ZC3H13: variants seen among roughly 807,000 people sequenced by gnomAD.
ZC3H13 encodes the protein zinc finger CCCH-type containing 13.
A neutral mutation model predicts 204.1 loss-of-function variants in ZC3H13; 64 were observed. The observed-to-expected ratio is 0.31, with a 90% CI of 0.26 to 0.39. The LOEUF (loss-of-function observed/expected upper bound fraction) is 0.39. Among genes scored for constraint, ZC3H13 ranks in the 10% least tolerant of loss-of-function variants. The pLI is 1.00. For synonymous variants in ZC3H13, 667 were observed against 693.7 expected (o/e 0.96, Z 0.60); for missense variants, 1,833 against 2,082.7 (o/e 0.88, Z 2.33).
chr13:46,035,183 T>C (rs943614787), intron 4 of ZC3H13, among the ~76,000 whole-genome samples: 4 of 152,098 alleles, frequency 2.6e-5, no homozygotes, highest in Admixed American at 2.0e-4. Context: ...AGAGACCACA[T>C]AGAGACAAAC....
At chr13:46,035,480 T>A (rs1457854760) in intron 4 of ZC3H13, among the ~76,000 whole-genome samples, 1 of 152,188 alleles carries the variant, frequency 6.6e-6, no homozygotes, top group Non-Finnish European at 1.5e-5. Context: ...AAAATGAAAA[T>A]ATATAGCTAT....
intron 4 of ZC3H13, among the ~76,000 whole-genome samples, chr13:46,035,755 G>A (rs142871885): frequency 6.6e-6 from 1 of 151,908 alleles, no homozygotes; most frequent in Non-Finnish European, 1.5e-5. Flanking sequence ...TCTTCATTTG[G>A]TTCTCACCAT....
intron 10 of ZC3H13, among the ~76,000 whole-genome samples, chr13:45,980,613 T>C (rs1043536200): frequency 3.3e-5 from 5 of 152,182 alleles, no homozygotes; most frequent in Non-Finnish European, 7.3e-5. Flanking sequence ...GACCGATATA[T>C]GCAACAACTT....
chr13:46,008,314 T>C (rs1316251728), intron 7 of ZC3H13, among the ~76,000 whole-genome samples: 10 of 82,994 alleles, frequency 1.2e-4, no homozygotes, highest in African/African-American at 5.3e-4. Context: ...ATAAATGTTA[T>C]ACTCCAAAAA....
intron 12 of ZC3H13, among the ~76,000 whole-genome samples, chr13:45,971,370 A>G (rs778285365): frequency 1.6e-4 from 25 of 152,318 alleles, no homozygotes; most frequent in Middle Eastern, 6.8e-3. Flanking sequence ...ACCCAGAAAT[A>G]AAGCCAAATG....
At position 46,020,468 on chromosome 13, in the gene ZC3H13, T is replaced by C. The variant is rs1383646942; in HGVS notation, c.429A>G (p.Glu143=). The change falls in exon 5 of 19, where the codon GAA becomes GAG. Residue 143 remains glutamate, a synonymous_variant. Coordinates refer to ENST00000679008, the MANE Select transcript of ZC3H13 (RefSeq NM_001330564.2). ...ACTCACCATCTCTATTAGTTTCCCA[T>C]TCTACATTTTCTTCTTCACTTTCTG... is the stretch of plus-strand genomic sequence containing the variant. The part of the protein sequence containing the change: ...RTPESEEENV[E]WETNRDDSDN... 2 of 1,609,096 alleles carry C rather than the reference T, an allele frequency of 1.2e-6. No individual in the cohort carries two copies. Among genetic ancestry groups the C allele is most frequent in the Non-Finnish European group, 1.7e-6 (2 of 1,177,622 alleles).
intron 8 of ZC3H13, among the ~76,000 whole-genome samples, chr13:45,989,478 A>C (rs913004449): frequency 4.6e-5 from 7 of 152,200 alleles, no homozygotes; most frequent in African/African-American, 7.2e-5. Flanking sequence ...TACTACTGAG[A>C]TCTAGAGAGA....
At position 45,969,171 on chromosome 13, in the gene ZC3H13, C is replaced by A; in HGVS notation, c.3373G>T (p.Ala1125Ser). ...VPATLAATTA[A>S]AATSFSTSAI... ...GATGTGCTGAAAGAGGTGGCGGCAGCAGCAGTAGTGGCAGCAAGAGTTGCA... is the reference window on the plus strand; with the variant it reads ...GATGTGCTGAAAGAGGTGGCGGCAGAAGCAGTAGTGGCAGCAAGAGTTGCA... Residue 1125 changes from alanine to serine, a missense_variant, in exon 14 of 19, where the codon GCT (alanine) becomes TCT (serine). Coordinates refer to ENST00000679008, the MANE Select transcript of ZC3H13 (RefSeq NM_001330564.2). 2 of 1,614,044 alleles carry A rather than the reference C, an allele frequency of 1.2e-6. No homozygotes were observed. Among genetic ancestry groups the A allele is most frequent in the Non-Finnish European group, 1.7e-6 (2 of 1,180,006 alleles).
At chr13:45,996,426 T>C (rs1380271568) in intron 8 of ZC3H13, among the ~76,000 whole-genome samples, 1 of 152,186 alleles carries the variant, frequency 6.6e-6, no homozygotes, top group African/African-American at 2.4e-5. Flanking sequence ...CCCACTACAA[T>C]AGGCCCAGCT....
intron 18 of ZC3H13, among the ~76,000 whole-genome samples, chr13:45,958,512 C>G (rs1230141565): frequency 6.6e-6 from 1 of 152,144 alleles, no homozygotes; most frequent in Non-Finnish European, 1.5e-5. Context: ...GCATCCCTAT[C>G]TAAGAATCCA....
In ZC3H13 at chr13:46,010,477, A is replaced by C; in HGVS notation, c.617T>G (p.Leu206Trp). The C allele has an allele frequency of 6.2e-7, 1 of 1,613,588 alleles. No individual in the cohort carries two copies. The highest frequency in any genetic ancestry group is 8.5e-7 in the Non-Finnish European group (1 of 1,179,634). ...CTTTCTTAGAGAAGGTGACGGGGACAATTTTGATCTAACCACTTCTGGTGA... is the reference window on the plus strand; with the variant it reads ...CTTTCTTAGAGAAGGTGACGGGGACCATTTTGATCTAACCACTTCTGGTGA... ...EVSPEVVRSK[L>W]SPSPSLRKSS... Residue 206 changes from leucine (L) to tryptophan (W), a missense_variant, in exon 7 of 19, where the codon TTG becomes TGG. Around this residue, in one of 5 missense-constraint regions of ZC3H13, gnomAD observed 1,574 missense variants for 1,757.2 expected, o/e 0.90. Transcript: ENST00000679008.
chr13:46,009,128 T>C (rs997135094), intron 7 of ZC3H13, among the ~76,000 whole-genome samples: 1 of 152,206 alleles, frequency 6.6e-6, no homozygotes, highest in Non-Finnish European at 1.5e-5. Flanking sequence ...ACAGAACTTA[T>C]GTTCCATAAA....
rs548513250 is a variant in ZC3H13, at chr13:45,988,834, T to C, written c.1208A>G (p.His403Arg). 7 of 1,614,202 alleles carry C rather than the reference T, an allele frequency of 4.3e-6. No homozygotes were observed. The South Asian group carries it at 6.6e-5, about 15-fold the overall frequency. The change falls in exon 9 of 19, where the codon CAT becomes CGT. Residue 403 changes from histidine (H) to arginine (R), a missense_variant. By Grantham distance (29) the His-to-Arg change is conservative. Transcript: ENST00000679008. ...ATCATGAGACTGTGAAGTTCGTTCATGATCATGTCTCCCTTTCTCTCGCAT... is the reference window on the plus strand; with the variant it reads ...ATCATGAGACTGTGAAGTTCGTTCACGATCATGTCTCCCTTTCTCTCGCAT... ...SPMREKGRHD[H>R]ERTSQSHDRR...
intron 4 of ZC3H13, among the ~76,000 whole-genome samples, chr13:46,037,910 A>G (rs987331831): frequency 2.6e-5 from 4 of 152,172 alleles, no homozygotes; most frequent in Non-Finnish European, 4.4e-5. Context: ...GAAATTCACT[A>G]TGTATTTTAT....
chr13:46,024,656 T>A (rs1232493391), intron 4 of ZC3H13, among the ~76,000 whole-genome samples: 1 of 152,168 alleles, frequency 6.6e-6, no homozygotes, highest in Non-Finnish European at 1.5e-5. Context: ...ATCTCGTATC[T>A]GTAGATTTGT....
At chr13:45,981,456 T>C (rs971522630) in intron 10 of ZC3H13, among the ~76,000 whole-genome samples, 1 of 152,130 alleles carries the variant, frequency 6.6e-6, no homozygotes, top group African/African-American at 2.4e-5. Flanking sequence ...CGTGTGCATG[T>C]GTCTTTATAG....
intron 2 of ZC3H13, 121 bp from the exon 3 acceptor site, chr13:46,045,185 C>T (rs1593826862): frequency 1.1e-6 from 1 of 942,118 alleles, no homozygotes; most frequent in Non-Finnish European, 1.6e-6. Context: ...TATTACTCCC[C>T]AAATAATAAA....
intron 3 of ZC3H13, among the ~76,000 whole-genome samples, chr13:46,044,582 C>A (rs1261089293): frequency 6.6e-6 from 1 of 151,900 alleles, no homozygotes; most frequent in Non-Finnish European, 1.5e-5. Context: ...TAAAATTATA[C>A]CCTATTTGAA....
chr13:45,959,608 T>C lies in ZC3H13; in HGVS notation c.4714A>G (p.Asn1572Asp), dbSNP rs1951529521. The C allele has an allele frequency of 6.5e-7, 1 of 1,545,742 alleles. No individual in the cohort carries two copies. The highest frequency in any genetic ancestry group is 8.7e-7 in the Non-Finnish European group (1 of 1,145,038). Residue 1572 changes from asparagine (N) to aspartate (D), a missense_variant, in exon 18 of 19, where the codon AAT (asparagine) becomes GAT (aspartate). Transcript: ENST00000679008. ...TCTTTTCGTAGTAATGCAGCCATAT[T>C]GAGAGCCCCCAATTCATGTTCAAAG... ...NLFEHELGAL[N>D]MAALLRKEER...
Sources: allele counts gnomAD v4.1 joint callset (sites outside exome capture counted in the v4.1 genomes callset), GRCh38; gene constraint gnomAD v4.1.1; regional missense constraint gnomAD v4.1.1; transcripts MANE v1.5; gene names NCBI Gene and HGNC (gene_info 2026-07-23, HGNC 2026-07-21).